Variants in GALNT13 observed in about 807,000 individuals in gnomAD.
GALNT13 encodes UDP-GalNAc:polypeptide N-acetylgalactosaminyltransferase 13.
In GALNT13, 28 loss-of-function variants were observed where a neutral mutation model predicts 64.2. That is an observed-to-expected ratio of 0.44 (90% CI 0.32 to 0.60). The LOEUF (loss-of-function observed/expected upper bound fraction) is 0.60, where lower values mean the gene tolerates loss of function less well. Among genes scored for constraint, GALNT13 ranks in the 20% least tolerant of loss-of-function variants. The pLI is 0.05. For synonymous variants in GALNT13, 214 were observed against 224.6 expected (o/e 0.95, Z 0.42); for missense variants, 577 against 669.8 (o/e 0.86, Z 1.53).
the GALNT13 span, among the ~76,000 whole-genome samples, chr2:153,470,121 C>T: frequency 6.6e-6 from 1 of 152,134 alleles, no homozygotes; most frequent in Non-Finnish European, 1.5e-5. Context: ...CCAGCTCCAC[C>T]ATTGACTAGC....
the GALNT13 span, among the ~76,000 whole-genome samples, chr2:153,279,876 G>A: frequency 9.9e-5 from 15 of 151,824 alleles, no homozygotes; most frequent in African/African-American, 2.4e-4. Flanking sequence ...TAATACTCGC[G>A]TCATAGAATG....
chr2:153,697,580 A>G, the GALNT13 span, among the ~76,000 whole-genome samples: 1 of 152,222 alleles, frequency 6.6e-6, no homozygotes, highest in Non-Finnish European at 1.5e-5. Flanking sequence ...GCTAAACTGT[A>G]GGTACTTGAG....
At chr2:154,086,063 T>C (rs73965366) in intron 3 of GALNT13, among the ~76,000 whole-genome samples, 1 of 150,894 alleles carries the variant, frequency 6.6e-6, no homozygotes, top group Non-Finnish European at 1.5e-5. Flanking sequence ...AATGTTAAAC[T>C]GAAAATACCC....
chr2:153,806,256 A>C, the GALNT13 span, among the ~76,000 whole-genome samples: 10 of 152,102 alleles, frequency 6.6e-5, no homozygotes, highest in Admixed American at 2.6e-4. Context: ...GATTTATGTC[A>C]GAAGGAGACA....
At chr2:153,688,337 T>G in the GALNT13 span, among the ~76,000 whole-genome samples, 252 of 152,120 alleles carry the variant, frequency 1.7e-3, no homozygotes, top group Middle Eastern at 6.8e-3. Context: ...TCATAGAACA[T>G]GAATAGCTTC....
chr2:153,626,388 A>G, the GALNT13 span, among the ~76,000 whole-genome samples: 65 of 152,092 alleles, frequency 4.3e-4, no homozygotes, highest in Non-Finnish European at 8.2e-4. Context: ...TTTTCTGAAT[A>G]TGGGCTTTTA....
the GALNT13 span, among the ~76,000 whole-genome samples, chr2:153,609,092 G>T: frequency 6.8e-5 from 10 of 147,846 alleles, no homozygotes; most frequent in East Asian, 1.9e-4. Context: ...AAGTTTTTTT[G>T]TTTGTTTGTT....
the GALNT13 span, among the ~76,000 whole-genome samples, chr2:153,145,277 G>A: frequency 5.3e-5 from 8 of 151,754 alleles, no homozygotes; most frequent in African/African-American, 1.7e-4. Context: ...ATAGAACAAA[G>A]CAAAATTTCC....
intron 12 of GALNT13, among the ~76,000 whole-genome samples, chr2:154,449,111 C>T (rs1259901951): frequency 6.6e-6 from 1 of 151,778 alleles, no homozygotes; most frequent in African/African-American, 2.4e-5. Flanking sequence ...TATCTTTGGC[C>T]ATTTATTCCT....
chr2:153,104,882 T>C, the GALNT13 span, among the ~76,000 whole-genome samples: 3 of 151,872 alleles, frequency 2.0e-5, no homozygotes, highest in South Asian at 6.2e-4. Flanking sequence ...CTTCCTTTTC[T>C]TTTTTTTATT....
the GALNT13 span, among the ~76,000 whole-genome samples, chr2:153,571,757 T>C: frequency 6.6e-6 from 1 of 152,060 alleles, no homozygotes; most frequent in African/African-American, 2.4e-5. Flanking sequence ...TTTGACTAAT[T>C]TGCAAATGTT....
At chr2:153,606,219 TTGTA>T in the GALNT13 span, among the ~76,000 whole-genome samples, 1 of 152,098 alleles carries the variant, frequency 6.6e-6, no homozygotes, top group Non-Finnish European at 1.5e-5. Context: ...GTATATATAT[TTGTA>T]TGGGTGTACA....
the GALNT13 span, among the ~76,000 whole-genome samples, chr2:153,353,171 T>G: frequency 1.3e-5 from 2 of 152,032 alleles, no homozygotes; most frequent in Non-Finnish European, 2.9e-5. Flanking sequence ...TAGATCATAT[T>G]CATATTTCAT....
intron 7 of GALNT13, among the ~76,000 whole-genome samples, chr2:154,255,208 A>G (rs1291903386): frequency 6.6e-6 from 1 of 152,168 alleles, no homozygotes; most frequent in Non-Finnish European, 1.5e-5. Flanking sequence ...TTCAGAGGAA[A>G]AAGTTAAGGA....
intron 11 of GALNT13, among the ~76,000 whole-genome samples, chr2:154,417,759 G>C (rs75524237): frequency 6.6e-6 from 1 of 151,502 alleles, no homozygotes; most frequent in African/African-American, 2.4e-5. Flanking sequence ...TGATCCACCC[G>C]CCTCCACATC....
At chr2:154,277,291 T>C (rs1482632462) in intron 8 of GALNT13, among the ~76,000 whole-genome samples, 1 of 152,146 alleles carries the variant, frequency 6.6e-6, no homozygotes, top group Non-Finnish European at 1.5e-5. Flanking sequence ...TCCAAATCTG[T>C]TGTTTTTGTA....
At chr2:154,029,958 A>G (rs1005446783) in intron 3 of GALNT13, among the ~76,000 whole-genome samples, 1 of 152,172 alleles carries the variant, frequency 6.6e-6, no homozygotes, top group Admixed American at 6.6e-5. Flanking sequence ...ACACCTGAGG[A>G]CAGAATTATT....
chr2:153,512,404 AG>A, the GALNT13 span, among the ~76,000 whole-genome samples: 1 of 152,186 alleles, frequency 6.6e-6, no homozygotes, highest in African/African-American at 2.4e-5. Context: ...ATGCTTCGTG[AG>A]GGCTACAGAC....
At chr2:153,894,781 A>G (rs1245296742) in intron 1 of GALNT13, among the ~76,000 whole-genome samples, 1 of 152,174 alleles carries the variant, frequency 6.6e-6, no homozygotes, top group African/African-American at 2.4e-5. Context: ...TTCTTCTCTA[A>G]CACAATAACA....
Sources: allele counts gnomAD v4.1 joint callset (sites outside exome capture counted in the v4.1 genomes callset), GRCh38; gene constraint gnomAD v4.1.1; transcripts MANE v1.5; gene names NCBI Gene and HGNC (gene_info 2026-07-23, HGNC 2026-07-21).